The following COL5A1 variants were observed in gnomAD, a reference collection of about 807,000 sequenced individuals.
COL5A1 encodes the protein collagen alpha-1(V) chain.
A neutral mutation model predicts 263.7 loss-of-function variants in COL5A1; 16 were observed. The observed-to-expected ratio is 0.06, with a 90% CI of 0.04 to 0.09. COL5A1 has a LOEUF of 0.09. COL5A1 is among the 10% of genes least tolerant of loss of function. The pLI is 1.00. For missense variants in COL5A1, 2,036 were observed against 2,540.5 expected (o/e 0.80, Z 4.27); for synonymous variants, 1,012 against 1,004.5 (o/e 1.01, Z -0.14).
At chr9:134,827,101 C>A (rs1218887021) in intron 63 of COL5A1, among the ~76,000 whole-genome samples, 2 of 152,208 alleles carry the variant, frequency 1.3e-5, no homozygotes, top group Non-Finnish European at 2.9e-5. Flanking sequence ...CCGCCCATTT[C>A]TGGGGCCGCA....
chr9:134,642,236 G>GC lies in COL5A1; in HGVS notation c.53dup (p.Leu19AlafsTer35). On this transcript the variant is annotated frameshift_variant, in exon 1 of 66. Transcript: ENST00000371817. LOFTEE classifies it high-confidence loss of function. This position sits in a 1 kb window ranked among gnomAD's most constrained non-coding sequence, Gnocchi z 4.5. ...AGCGCGCAGCGCGCTCCGCCCGGGC[G>GC]CCCCGCTGCTGCCCCCGCTGCTGCT... The GC allele has an allele frequency of 7.7e-7, 1 of 1,293,800 alleles. No individual in the cohort carries two copies. Among genetic ancestry groups the GC allele is most frequent in the South Asian group, 2.3e-5 (1 of 43,082 alleles). The allele number at this position is 1,293,800 out of a possible 1,614,324, so 80.1% of individuals were successfully genotyped here. A position where few individuals can be genotyped will look rare whatever the true frequency, so the allele number is the denominator to read the frequency against.
chr9:134,799,000 C>T (rs1019940246), intron 37 of COL5A1, among the ~76,000 whole-genome samples: 2 of 152,214 alleles, frequency 1.3e-5, no homozygotes, highest in African/African-American at 2.4e-5. Flanking sequence ...AGCTCCAATC[C>T]AGGGGGTCTG....
intron 18 of COL5A1, among the ~76,000 whole-genome samples, chr9:134,761,032 AC>A (rs1015349266): frequency 3.4e-5 from 5 of 146,740 alleles, no homozygotes; most frequent in African/African-American, 5.1e-5. Flanking sequence ...ACACACGTGC[AC>A]AGGCTCCACA....
chr9:134,784,949 CG>C, intron 29 of COL5A1, 39 bp from the exon 30 acceptor site: 1 of 1,458,586 alleles, frequency 6.9e-7, no homozygotes. Flanking sequence ...AGTGTGTGTG[CG>C]GGGGGTGGTC....
chr9:134,753,754 TCCCCTCCCCCTG>T, intron 14 of COL5A1, 84 bp from the exon 15 acceptor site: 1 of 711,844 alleles, frequency 1.4e-6, no homozygotes, highest in Non-Finnish European at 2.6e-6. Flanking sequence ...CGAAGCCCTG[TCCCCTCCCCCTG>T]CCCCTCCCCT....
chr9:134,826,654 C>CTGGTGTGTGGGTGTGTGTATGGG (rs778708306), intron 63 of COL5A1, among the ~76,000 whole-genome samples: 29,184 of 146,240 alleles, frequency 0.2, 4,415 homozygotes, highest in African/African-American at 0.43. Context: ...GTGCATGTGG[C>CTGGTGTGTGGGTGTGTGTATGGG]TGGTGGATGG....
intron 9 of COL5A1, among the ~76,000 whole-genome samples, chr9:134,738,072 C>A (rs1035155645): frequency 6.6e-6 from 1 of 152,184 alleles, no homozygotes; most frequent in Non-Finnish European, 1.5e-5. Context: ...CAAATCCACC[C>A]GAGTCCCCTT....
chr9:134,769,803 G>A (rs969229712), intron 25 of COL5A1, among the ~76,000 whole-genome samples: 1 of 151,732 alleles, frequency 6.6e-6, no homozygotes, highest in Middle Eastern at 3.4e-3. Flanking sequence ...GGGTGTGAAG[G>A]TGGCTGCACC....
At chr9:134,732,168 C>G in intron 9 of COL5A1, 41 bp downstream of exon 9, 9 of 1,609,478 alleles carry the variant, frequency 5.6e-6, no homozygotes, top group Non-Finnish European at 7.7e-6. Context: ...CCGGGGTGTC[C>G]GCTGCTCGGG....
At chr9:134,774,309 G>C (rs1836973721) in intron 26 of COL5A1, among the ~76,000 whole-genome samples, 2 of 152,214 alleles carry the variant, frequency 1.3e-5, no homozygotes, top group Non-Finnish European at 2.9e-5. Flanking sequence ...TGGAAAGGGG[G>C]CTGGGAGGGA....
intron 59 of COL5A1, among the ~76,000 whole-genome samples, chr9:134,822,730 C>T (rs922175841): frequency 1.4e-5 from 2 of 140,812 alleles, no homozygotes; most frequent in Admixed American, 7.0e-5. Context: ...GCCCCCCCCG[C>T]GGCTGTCTGA....
Position 134,761,899 on chromosome 9 carries a change from C to T in COL5A1, c.1936-26C>T, listed in dbSNP as rs772253720. On this transcript the variant is annotated intron_variant, in intron 18 of 65. Coordinates refer to ENST00000371817, the MANE Select transcript of COL5A1 (RefSeq NM_000093.5). The stretch of plus-strand genomic sequence containing the variant: ...CCCTGCATGACCTGCTCAGGAGAGG[C>T]TGACGTTGACCCTTTCACTTCCTAG... The T allele has an allele frequency of 5.0e-6, 8 of 1,612,556 alleles. No homozygotes were observed. The East Asian group carries it at 1.8e-4, about 36-fold the overall frequency.
chr9:134,698,560 C>T (rs549147467), intron 2 of COL5A1, among the ~76,000 whole-genome samples: 114 of 152,328 alleles, frequency 7.5e-4, no homozygotes, highest in African/African-American at 2.4e-3. Context: ...TCTCCTCCCC[C>T]TTGGAAGCCT....
At position 134,842,151 on chromosome 9, in the gene COL5A1, C is replaced by T. The variant is rs762708685; in HGVS notation, c.5371-6C>T. The T allele has an allele frequency of 6.2e-7, 1 of 1,614,030 alleles. No individual in the cohort carries two copies. The highest frequency in any genetic ancestry group is 1.7e-5 in the Admixed American group (1 of 60,010). On this transcript the variant is annotated splice_region_variant and splice_polypyrimidine_tract_variant and intron_variant, in intron 65 of 65. Coordinates refer to ENST00000371817, the MANE Select transcript of COL5A1 (RefSeq NM_000093.5). The surrounding 1 kb of genome is among the most constrained non-coding windows in gnomAD (Gnocchi z 5.8). ...ACCACCGGCCATCTGTCTCCCTCTT[C>T]CCCAGACCAAGAAAGGCTACCAGAA...
chr9:134,842,314 GC>G lies in COL5A1; in HGVS notation c.*14del, dbSNP rs752152430. On this transcript the variant is annotated 3_prime_UTR_variant, in exon 66 of 66. Transcript: ENST00000371817. This position sits in a 1 kb window ranked among gnomAD's most constrained non-coding sequence, Gnocchi z 5.8. ...TGCTTCATGGGCTAGGAGCCGCCGA[GC>G]CCGGGCTCCCGAGAGCAACCTCGTG... 26 of 1,613,986 alleles carry G rather than the reference GC, an allele frequency of 1.6e-5. No individual in the cohort carries two copies. The highest frequency in any genetic ancestry group is 2.1e-5 in the Non-Finnish European group (25 of 1,179,966).
At chr9:134,643,262 C>T (rs1298951755) in intron 1 of COL5A1, among the ~76,000 whole-genome samples, 1 of 152,008 alleles carries the variant, frequency 6.6e-6, no homozygotes, top group African/African-American at 2.4e-5. Context: ...TCAGAGCCCC[C>T]AGCCCTGGAA....
intron 16 of COL5A1, among the ~76,000 whole-genome samples, chr9:134,756,369 T>C (rs796522194): frequency 2.6e-5 from 4 of 152,346 alleles, no homozygotes; most frequent in African/African-American, 9.6e-5. Flanking sequence ...GGAAAGGAGC[T>C]GTGCTGTCTG....
chr9:134,722,778 A>G (rs1184088203), intron 4 of COL5A1, among the ~76,000 whole-genome samples: 2 of 152,184 alleles, frequency 1.3e-5, no homozygotes, highest in African/African-American at 2.4e-5. Context: ...AATTTGAAAC[A>G]TGGGCCAGGA....
rs959201079 is a variant in COL5A1 at position 134,680,287 on chromosome 9, A to G, written c.110-10625A>G. Among the ~76,000 whole-genome samples, 27 of 152,274 alleles carry G rather than the reference A, an allele frequency of 1.8e-4. No homozygotes were observed. The highest frequency in any genetic ancestry group is 3.8e-4 in the Non-Finnish European group (26 of 67,996). ...TACAGGCCATTTTCTCACCCTGTGA[A>G]ACACTGCGGGTCGGTGCACAGGTGT... is the stretch of plus-strand genomic sequence containing the variant. On this transcript the variant is annotated intron_variant, in intron 1 of 65. Coordinates refer to ENST00000371817, the MANE Select transcript of COL5A1 (RefSeq NM_000093.5). This position sits in a 1 kb window ranked among gnomAD's most constrained non-coding sequence, Gnocchi z 5.9.
Sources: gnomAD v4.1 joint callset for allele counts (sites outside exome capture counted in the v4.1 genomes callset) on GRCh38, gnomAD v4.1.1 for gene constraint, Gnocchi (gnomAD v3.1) non-coding constraint, MANE v1.5 for transcripts, NCBI Gene and HGNC (gene_info 2026-07-23, HGNC 2026-07-21) for gene names.